Variants in FTO observed in about 807,000 individuals in gnomAD.
FTO encodes alpha-ketoglutarate-dependent dioxygenase FTO.
In FTO, 47 loss-of-function variants were observed where a neutral mutation model predicts 63.9. The observed-to-expected ratio is 0.74, with a 90% CI of 0.58 to 0.94. The LOEUF is 0.94. Ranked by LOEUF, FTO falls within the 40% of genes least tolerant of loss-of-function variation. FTO has a pLI of 0.00. For missense variants in FTO, 562 were observed against 618.1 expected (o/e 0.91, Z 0.96); for synonymous variants, 207 against 224.4 (o/e 0.92, Z 0.69).
intron 8 of FTO, chr16:54,070,252 C>T (rs2085836434): frequency 6.6e-6 from 1 of 151,814 alleles, no homozygotes; most frequent in Admixed American, 6.6e-5. Flanking sequence ...GAGATCTGCC[C>T]CAGTGTCTAA....
intron 8 of FTO, among the ~76,000 whole-genome samples, chr16:54,048,112 T>TAA (rs71380059): frequency 0.024 from 877 of 35,800 alleles, 15 homozygotes; most frequent in African/African-American, 0.1. Flanking sequence ...TAGAGTATAA[T>TAA]AAAAAAAAAA....
Position 53,954,638 on chromosome 16 carries a change from T to G in FTO, c.1364+20529T>G, listed in dbSNP as rs1021232708. On this transcript the variant is annotated intron_variant, in intron 8 of 8. Coordinates refer to ENST00000471389, the MANE Select transcript of FTO (RefSeq NM_001080432.3). ...TGTGGCTGCAGGGTAGAGAGAAGGG[T>G]GAAATCTTCAGAACTTTAGAAGGCA... Among the ~76,000 whole-genome samples, 68 of 151,854 alleles carry G rather than the reference T, an allele frequency of 4.5e-4. No individual in the cohort carries two copies. In the South Asian group the frequency reaches 0.014, roughly 31 times the overall value.
intron 2 of FTO, among the ~76,000 whole-genome samples, chr16:53,821,436 T>C (rs1473145090): frequency 1.3e-5 from 2 of 152,168 alleles, no homozygotes; most frequent in Non-Finnish European, 2.9e-5. Context: ...TTCAGAATAT[T>C]TGGTCTCTGC....
chr16:53,978,234 A>G (rs1488078128), intron 8 of FTO, among the ~76,000 whole-genome samples: 1 of 152,166 alleles, frequency 6.6e-6, no homozygotes, highest in Non-Finnish European at 1.5e-5. Context: ...CACACCAAAT[A>G]GTTACTACCA....
At position 53,985,913 on chromosome 16, in the gene FTO, A is replaced by G. The variant is rs76539383; in HGVS notation, c.1364+51804A>G. 6.0e-4 allele frequency among the ~76,000 whole-genome samples: 91 copies of G among 152,362 alleles called. 1 individual carries two copies. In the East Asian group the frequency reaches 0.016, roughly 27 times the overall value. On this transcript the variant is annotated intron_variant, in intron 8 of 8. Transcript: ENST00000471389. Reference sequence around the variant, plus strand: ...CTATGGCTTAAAGAGTGTAACCACTAGTTTTAGCAGAGATGTTTCCTTTAG... The same window carrying G: ...CTATGGCTTAAAGAGTGTAACCACTGGTTTTAGCAGAGATGTTTCCTTTAG...
intron 7 of FTO, among the ~76,000 whole-genome samples, chr16:53,922,817 G>T (rs1235084431): frequency 2.0e-5 from 3 of 152,176 alleles, no homozygotes; most frequent in African/African-American, 7.2e-5. Flanking sequence ...ACATCGAATG[G>T]ATTCATTTCA....
intron 4 of FTO, among the ~76,000 whole-genome samples, chr16:53,854,149 G>T (rs7195935): frequency 0.031 from 4,762 of 152,032 alleles, 191 homozygotes; most frequent in East Asian, 0.12. Flanking sequence ...CATGTCATTT[G>T]CCCACTTTTT....
intron 8 of FTO, among the ~76,000 whole-genome samples, chr16:53,990,446 A>G: frequency 6.6e-6 from 1 of 151,950 alleles, no homozygotes; most frequent in South Asian, 2.1e-4. Context: ...GTAGTTTCTG[A>G]CTTCAATTGT....
At chr16:54,023,114 G>T (rs1599225459) in intron 8 of FTO, among the ~76,000 whole-genome samples, 1 of 152,312 alleles carries the variant, frequency 6.6e-6, no homozygotes, top group East Asian at 1.9e-4. Context: ...TTTCTGAATG[G>T]ATATGGAATA....
intron 8 of FTO, among the ~76,000 whole-genome samples, chr16:53,978,957 C>G (rs933359109): frequency 1.4e-4 from 22 of 152,094 alleles, no homozygotes; most frequent in African/African-American, 5.3e-4. Flanking sequence ...TGAGATCATG[C>G]CGCTGCACTC....
rs557527945 is a variant in FTO, at chr16:53,770,644, C to G, written c.46-39496C>G. Among the ~76,000 whole-genome samples, 694 of 152,178 alleles carry G rather than the reference C, an allele frequency of 4.6e-3. 4 individuals carry two copies. The highest frequency in any genetic ancestry group is 0.01 in the Middle Eastern group (3 of 294). On this transcript the variant is annotated intron_variant, in intron 1 of 8. Coordinates refer to ENST00000471389, the MANE Select transcript of FTO (RefSeq NM_001080432.3). ...GCTCAGAAAATTTCCCCTTTAGATT[C>G]CCTTTTCTTTTCTCCTTTTATTTTC...
chr16:53,851,063 A>C (rs964720903), intron 4 of FTO, among the ~76,000 whole-genome samples: 2 of 152,048 alleles, frequency 1.3e-5, no homozygotes, highest in African/African-American at 4.8e-5. Context: ...CTTTTGTCCA[A>C]ATTTTTCTGA....
intron 2 of FTO, among the ~76,000 whole-genome samples, chr16:53,813,108 A>G (rs1373509726): frequency 6.6e-6 from 1 of 152,196 alleles, no homozygotes; most frequent in Non-Finnish European, 1.5e-5. Flanking sequence ...GGAAACCCAA[A>G]TGCAAACAGA....
At chr16:54,058,165 G>A (rs1377769665) in intron 8 of FTO, among the ~76,000 whole-genome samples, 3 of 152,066 alleles carry the variant, frequency 2.0e-5, no homozygotes, top group African/African-American at 7.2e-5. Context: ...CTGGAGTTCA[G>A]TGACACAATC....
At chr16:53,877,470 T>C (rs1054148748) in intron 5 of FTO, among the ~76,000 whole-genome samples, 1 of 152,242 alleles carries the variant, frequency 6.6e-6, no homozygotes, top group African/African-American at 2.4e-5. Flanking sequence ...TTCATTTATA[T>C]GAAGTGTCTA....
intron 8 of FTO, among the ~76,000 whole-genome samples, chr16:53,997,799 G>A (rs1369920920): frequency 6.6e-6 from 1 of 151,966 alleles, no homozygotes; most frequent in African/African-American, 2.4e-5. Context: ...ATAAAAATTT[G>A]TGAGTGAATA....
At chr16:53,839,495 A>G (rs1178326293) in intron 3 of FTO, among the ~76,000 whole-genome samples, 5 of 152,198 alleles carry the variant, frequency 3.3e-5, no homozygotes, top group Non-Finnish European at 7.3e-5. Context: ...AACTCTCACC[A>G]AACTATCATT....
chr16:53,783,942 C>G (rs915899094), intron 1 of FTO, among the ~76,000 whole-genome samples: 1 of 152,186 alleles, frequency 6.6e-6, no homozygotes, highest in African/African-American at 2.4e-5. Flanking sequence ...TTGATCATCA[C>G]CTCACCTCAC....
intron 4 of FTO, among the ~76,000 whole-genome samples, chr16:53,847,542 C>T (rs1387692902): frequency 2.0e-5 from 3 of 151,976 alleles, no homozygotes; most frequent in Admixed American, 6.6e-5. Flanking sequence ...CTGAGGTGGG[C>T]GGATCACCTG....
Sources: allele counts gnomAD v4.1 joint callset (sites outside exome capture counted in the v4.1 genomes callset), GRCh38; gene constraint gnomAD v4.1.1; transcripts MANE v1.5; gene names NCBI Gene and HGNC (gene_info 2026-07-23, HGNC 2026-07-21).